PDE7B: variants seen among roughly 807,000 people sequenced by gnomAD.
PDE7B encodes the protein phosphodiesterase 7B, also known as 3',5'-cyclic-AMP phosphodiesterase 7B.
Under a neutral mutation model 56.2 loss-of-function variants are expected in PDE7B, and 29 were observed. The ratio of observed to expected loss-of-function variants is 0.52; its 90% confidence interval spans 0.38 to 0.70. PDE7B has a LOEUF of 0.70. PDE7B is among the 30% of genes least tolerant of loss of function. PDE7B has a pLI of 0.00. For missense variants in PDE7B, 490 were observed against 565.0 expected (o/e 0.87, Z 1.35); for synonymous variants, 197 against 196.9 (o/e 1.00, Z 0.00).
chr6:136,137,866 T>C (rs1778242811), intron 3 of PDE7B, among the ~76,000 whole-genome samples: 1 of 152,052 alleles, frequency 6.6e-6, no homozygotes, highest in South Asian at 2.1e-4. Context: ...ACCAAAGTAG[T>C]GCAAAAATGT....
intron 1 of PDE7B, among the ~76,000 whole-genome samples, chr6:135,886,179 GGACACCA>G (rs1775706092): frequency 6.6e-6 from 1 of 152,050 alleles, no homozygotes; most frequent in Admixed American, 6.6e-5. Context: ...GTGCTTTTAA[GGACACCA>G]TAAGGTGTCC....
chr6:136,166,324 A>T (rs1463505920), intron 8 of PDE7B: 1 of 152,278 alleles, frequency 6.6e-6, no homozygotes, highest in Non-Finnish European at 1.5e-5. Context: ...TCTTACCTGG[A>T]TGAGTGCTAT....
At chr6:135,928,465 T>TTATTTATTTATATATA (rs1774231743) in intron 1 of PDE7B, among the ~76,000 whole-genome samples, 1 of 75,560 alleles carries the variant, frequency 1.3e-5, no homozygotes, top group African/African-American at 5.4e-5. Context: ...ATATATATAT[T>TTATTTATTTATATATA]TATTTATATA....
At chr6:136,126,551 C>A (rs1267944530) in intron 3 of PDE7B, among the ~76,000 whole-genome samples, 1 of 152,116 alleles carries the variant, frequency 6.6e-6, no homozygotes, top group African/African-American at 2.4e-5. Context: ...TGGAACCAAC[C>A]CAAATGCCCA....
intron 1 of PDE7B, among the ~76,000 whole-genome samples, chr6:135,937,158 G>A (rs1426049688): frequency 6.6e-6 from 1 of 152,240 alleles, no homozygotes; most frequent in African/African-American, 2.4e-5. Flanking sequence ...TCAGTGTGGT[G>A]AGGAGCGACA....
intron 2 of PDE7B, among the ~76,000 whole-genome samples, chr6:136,069,284 AATC>A: frequency 6.6e-6 from 1 of 152,354 alleles, no homozygotes; most frequent in Middle Eastern, 3.4e-3. Context: ...AGCGGGGACA[AATC>A]ATGAGGAGAA....
At chr6:136,173,965 C>G in intron 9 of PDE7B, 77 bp downstream of exon 9, 1 of 1,018,098 alleles carries the variant, frequency 9.8e-7, no homozygotes, top group Non-Finnish European at 1.5e-6. Flanking sequence ...AGGCTTGGGA[C>G]CTTTTGCGTG....
intron 1 of PDE7B, among the ~76,000 whole-genome samples, chr6:135,852,988 G>C (rs1039548647): frequency 1.3e-5 from 2 of 152,274 alleles, no homozygotes; most frequent in African/African-American, 2.4e-5. Context: ...TGTTTTCAGT[G>C]GCACATTATT....
chr6:136,173,963 G>A (rs1408520884), intron 9 of PDE7B, 75 bp downstream of exon 9: 5 of 1,029,946 alleles, frequency 4.9e-6, no homozygotes, highest in Admixed American at 1.7e-5. Context: ...GCAGGCTTGG[G>A]ACCTTTTGCG....
At chr6:135,861,450 T>C (rs1775144355) in intron 1 of PDE7B, among the ~76,000 whole-genome samples, 1 of 151,156 alleles carries the variant, frequency 6.6e-6, no homozygotes, top group African/African-American at 2.4e-5. Flanking sequence ...ATTGGCCATG[T>C]AAATATCTTT....
At position 135,906,812 on chromosome 6, in the gene PDE7B, T is replaced by C. The variant is rs202232918; in HGVS notation, c.22-40652T>C. On this transcript the variant is annotated intron_variant, in intron 1 of 12. Transcript: ENST00000308191. ...TGACTCAAATGTTAATGAGGTTTGT[T>C]TTTTTTTTTTTTTTTTTTTTTTTTA... Among the ~76,000 whole-genome samples, 29 of 127,828 alleles carry C rather than the reference T, an allele frequency of 2.3e-4. 2 individuals are homozygous for C. The East Asian group carries it at 5.4e-3, about 24-fold the overall frequency. 83.9% of individuals were successfully genotyped at this position (127,828 alleles called of 152,430 possible).
intron 3 of PDE7B, among the ~76,000 whole-genome samples, chr6:136,111,678 G>T (rs1257761307): frequency 6.6e-6 from 1 of 152,164 alleles, no homozygotes; most frequent in Non-Finnish European, 1.5e-5. Flanking sequence ...GTTGTGGTTT[G>T]CCTGAGTTGT....
chr6:136,178,863 C>A, intron 9 of PDE7B, 134 bp from the exon 10 acceptor site: 1 of 922,810 alleles, frequency 1.1e-6, no homozygotes, highest in Non-Finnish European at 1.7e-6. Context: ...CAGTGAAGGA[C>A]TGGCACATTG....
chr6:136,147,568 C>T, intron 4 of PDE7B, 66 bp downstream of exon 4: 1 of 1,395,834 alleles, frequency 7.2e-7, no homozygotes, highest in Non-Finnish European at 1.0e-6. Flanking sequence ...CAGCTGATAG[C>T]ACTGGTGTTG....
chr6:136,004,920 AG>A (rs1583823371), intron 2 of PDE7B, among the ~76,000 whole-genome samples: 5 of 152,116 alleles, frequency 3.3e-5, no homozygotes, highest in Admixed American at 3.3e-4. Context: ...AAAAGAACAA[AG>A]CTGGAGGCAT....
chr6:136,123,088 C>A (rs528681872), intron 3 of PDE7B, among the ~76,000 whole-genome samples: 4 of 4,384 alleles, frequency 9.1e-4, no homozygotes, highest in African/African-American at 2.2e-3. Context: ...CATCTAGGTG[C>A]GGTGGCTAAT....
At chr6:136,173,201 C>A (rs1393930651) in intron 8 of PDE7B, among the ~76,000 whole-genome samples, 1 of 152,146 alleles carries the variant, frequency 6.6e-6, no homozygotes, top group Non-Finnish European at 1.5e-5. Context: ...CCAAGTCAAT[C>A]CTAAGCCAAA....
chr6:135,994,289 G>A (rs547211736), intron 2 of PDE7B, among the ~76,000 whole-genome samples: 2 of 151,926 alleles, frequency 1.3e-5, no homozygotes, highest in Non-Finnish European at 2.9e-5. Context: ...AAGTGGATGA[G>A]TTATTTTACA....
chr6:135,990,376 G>T (rs1030349628), intron 2 of PDE7B, among the ~76,000 whole-genome samples: 6 of 152,170 alleles, frequency 3.9e-5, no homozygotes, highest in Non-Finnish European at 8.8e-5. Flanking sequence ...GATTACAGGC[G>T]TGAGCTACTA....
Sources: allele counts gnomAD v4.1 joint callset (sites outside exome capture counted in the v4.1 genomes callset), GRCh38; gene constraint gnomAD v4.1.1; transcripts MANE v1.5; gene names NCBI Gene and HGNC (gene_info 2026-07-23, HGNC 2026-07-21).